The following EPB41L5 variants were observed in gnomAD, a reference collection of about 807,000 sequenced individuals.
EPB41L5 encodes the protein erythrocyte membrane protein band 4.1 like 5.
Under a neutral mutation model 106.6 loss-of-function variants are expected in EPB41L5, and 55 were observed. The ratio of observed to expected loss-of-function variants is 0.52; its 90% CI spans 0.42 to 0.65. The LOEUF is 0.65. Among genes scored for constraint, EPB41L5 ranks in the 30% least tolerant of loss-of-function variants. The pLI, the probability that EPB41L5 is intolerant of heterozygous loss-of-function variation, is 0.00. For missense variants in EPB41L5, 871 were observed against 882.1 expected (o/e 0.99, Z 0.16); for synonymous variants, 297 against 306.7 (o/e 0.97, Z 0.33).
chr2:120,170,148 AAAT>A (rs910556851), intron 24 of EPB41L5, among the ~76,000 whole-genome samples: 10 of 152,384 alleles, frequency 6.6e-5, no homozygotes, highest in African/African-American at 2.4e-4. Context: ...TTGACTAGAT[AAAT>A]ATTAGAAAAG....
At chr2:120,162,492 A>G (rs575982322) in intron 21 of EPB41L5, among the ~76,000 whole-genome samples, 13 of 152,358 alleles carry the variant, frequency 8.5e-5, no homozygotes, top group Non-Finnish European at 1.2e-4. Flanking sequence ...GTATTTAGGT[A>G]TATAAGTATC....
intron 2 of EPB41L5, among the ~76,000 whole-genome samples, chr2:120,032,387 A>C (rs1324983165): frequency 6.6e-6 from 1 of 152,170 alleles, no homozygotes; most frequent in Non-Finnish European, 1.5e-5. Flanking sequence ...TCAAAAACAA[A>C]CAAAAAAGCT....
At chr2:120,122,835 G>A (rs543707349) in intron 16 of EPB41L5, among the ~76,000 whole-genome samples, 151 of 152,244 alleles carry the variant, frequency 9.9e-4, no homozygotes, top group Non-Finnish European at 1.2e-3. Flanking sequence ...AGTTGTTTGT[G>A]TCCTCTTTTA....
intron 18 of EPB41L5, among the ~76,000 whole-genome samples, chr2:120,142,152 A>G (rs750569074): frequency 2.8e-4 from 42 of 149,284 alleles, no homozygotes; most frequent in Middle Eastern, 3.5e-3. Flanking sequence ...AAATATACAT[A>G]TATAATTTAC....
intron 20 of EPB41L5, among the ~76,000 whole-genome samples, chr2:120,149,870 ACT>A (rs1265241451): frequency 8.1e-6 from 1 of 123,380 alleles, no homozygotes; most frequent in Non-Finnish European, 1.8e-5. Flanking sequence ...ATTTCTTTAC[ACT>A]CTCATGGTAT....
At chr2:120,119,673 A>G (rs886273793) in intron 16 of EPB41L5, among the ~76,000 whole-genome samples, 3 of 152,074 alleles carry the variant, frequency 2.0e-5, no homozygotes, top group Non-Finnish European at 4.4e-5. Flanking sequence ...TTAGTTAATT[A>G]AAGAGAGAAT....
At position 120,037,540 on chromosome 2, in the gene EPB41L5, C is replaced by T. The variant is rs182725888; in HGVS notation, c.181-4466C>T. Among the ~76,000 whole-genome samples, 11 of 152,080 alleles carry T rather than the reference C, an allele frequency of 7.2e-5. No homozygotes were observed. In the East Asian group the frequency reaches 1.9e-3, roughly 27 times the overall value. On this transcript the variant is annotated intron_variant, in intron 2 of 24. Coordinates refer to ENST00000263713, the MANE Select transcript of EPB41L5 (RefSeq NM_020909.4). Reference sequence around the variant, plus strand: ...TACAGAATCAAAAACTGTGGGGCTGCGTGTGATGGCTCACACCTGTAATTC... The same window carrying T: ...TACAGAATCAAAAACTGTGGGGCTGTGTGTGATGGCTCACACCTGTAATTC...
Position 120,143,185 on chromosome 2 carries a change from G to A in EPB41L5, c.1728+54G>A, listed in dbSNP as rs571930723. 62 of 1,476,256 alleles carry A rather than the reference G, an allele frequency of 4.2e-5. No individual in the cohort carries two copies. The African/African-American group carries it at 8.7e-4, about 21-fold the overall frequency. 91.4% of individuals were successfully genotyped at this position (1,476,256 alleles called of 1,614,324 possible). ...TGAAGTGAAATGAGCATGGGATGTA[G>A]AGAGTTGCCTTCCCCAACTCTAAAT... On this transcript the variant is annotated intron_variant, in intron 19 of 24. Transcript: ENST00000263713.
chr2:120,018,626 G>T (rs1324194697), intron 1 of EPB41L5, among the ~76,000 whole-genome samples: 2 of 149,552 alleles, frequency 1.3e-5, no homozygotes, highest in African/African-American at 4.9e-5. Flanking sequence ...AAATTTACTT[G>T]ACCAGGAGCC....
Position 120,083,177 on chromosome 2 carries a change from G to A in EPB41L5, c.804-3994G>A, listed in dbSNP as rs373976961. ...GAATGTGTTTGCCCTTGCTTCTCTA[G>A]TTCTTTTAATTGTGATGTTAGGGTG... is the stretch of plus-strand genomic sequence containing the variant. On this transcript the variant is annotated intron_variant, in intron 10 of 24. Transcript: ENST00000263713. 5.3e-5 allele frequency among the ~76,000 whole-genome samples: 8 copies of A among 152,226 alleles called. No individual in the cohort carries two copies. The East Asian group carries it at 9.6e-4, about 18-fold the overall frequency.
chr2:120,059,837 G>A (rs1326182173), intron 3 of EPB41L5, among the ~76,000 whole-genome samples: 1 of 152,136 alleles, frequency 6.6e-6, no homozygotes, highest in Non-Finnish European at 1.5e-5. Context: ...GAGTGTGACA[G>A]CCACTGCACC....
intron 16 of EPB41L5, among the ~76,000 whole-genome samples, chr2:120,113,387 C>T (rs1016068525): frequency 6.6e-6 from 1 of 152,182 alleles, no homozygotes; most frequent in Non-Finnish European, 1.5e-5. Flanking sequence ...AGGAAAACTG[C>T]TTCAGTTTAC....
At chr2:120,104,038 C>T in intron 16 of EPB41L5, 10 of 1,510,548 alleles carry the variant, frequency 6.6e-6, no homozygotes, top group Non-Finnish European at 8.8e-6. Flanking sequence ...CTGTGCTCCC[C>T]TCCCACTCCC....
chr2:120,106,387 A>G (rs180863440), intron 16 of EPB41L5: 2 of 985,174 alleles, frequency 2.0e-6, no homozygotes, highest in Admixed American at 6.1e-5. Flanking sequence ...TATTTGCAAG[A>G]TGGATATATA....
chr2:120,087,864 T>A (rs1683166892), intron 11 of EPB41L5, among the ~76,000 whole-genome samples: 1 of 152,234 alleles, frequency 6.6e-6, no homozygotes, highest in Non-Finnish European at 1.5e-5. Context: ...AGATTACCTT[T>A]GTATCAGTTA....
chr2:120,144,219 T>A (rs1303203805), intron 19 of EPB41L5, among the ~76,000 whole-genome samples: 1 of 152,134 alleles, frequency 6.6e-6, no homozygotes, highest in Non-Finnish European at 1.5e-5. Context: ...AGTGCTCTTA[T>A]AAAAGAGCCT....
At chr2:120,092,464 C>G (rs1683486200) in intron 13 of EPB41L5, among the ~76,000 whole-genome samples, 1 of 151,996 alleles carries the variant, frequency 6.6e-6, no homozygotes, top group South Asian at 2.1e-4. Context: ...TTGTTACTTG[C>G]TGATTAAGAT....
intron 16 of EPB41L5, among the ~76,000 whole-genome samples, chr2:120,115,225 T>C (rs906858970): frequency 6.6e-6 from 1 of 152,252 alleles, no homozygotes; most frequent in Non-Finnish European, 1.5e-5. Context: ...CTCTGTCTTT[T>C]AATTGGACAG....
intron 21 of EPB41L5, 59 bp downstream of exon 21, chr2:120,161,033 C>G (rs1313578658): frequency 4.9e-6 from 6 of 1,226,860 alleles, no homozygotes; most frequent in South Asian, 3.6e-5. Context: ...TTGAATCTTG[C>G]AGTATAACCA....
Sources: allele counts gnomAD v4.1 joint callset (sites outside exome capture counted in the v4.1 genomes callset), GRCh38; gene constraint gnomAD v4.1.1; transcripts MANE v1.5; gene names NCBI Gene and HGNC (gene_info 2026-07-23, HGNC 2026-07-21).